CNTN4: variants seen among roughly 807,000 people sequenced by gnomAD.
CNTN4 encodes the protein contactin-4.
A neutral mutation model predicts 122.5 loss-of-function variants in CNTN4; 77 were observed. The observed-to-expected ratio is 0.63, with a 90% CI of 0.52 to 0.76. CNTN4 has a LOEUF of 0.76. Among genes scored for constraint, CNTN4 ranks in the 30% least tolerant of loss-of-function variants. The pLI is 0.00. For missense variants in CNTN4, 1,256 were observed against 1,259.1 expected, an observed-to-expected ratio of 1.00 and a Z score of 0.04; for synonymous variants, 512 against 447.0, an observed-to-expected ratio of 1.15 and a Z score of -1.83.
At chr3:2,668,782 A>G (rs1390435002) in intron 4 of CNTN4, among the ~76,000 whole-genome samples, 1 of 152,126 alleles carries the variant, frequency 6.6e-6, no homozygotes, top group Non-Finnish European at 1.5e-5. Context: ...TACCTAATTT[A>G]TTGAGAGTTT....
At chr3:2,536,433 T>C (rs1223633023) in intron 3 of CNTN4, among the ~76,000 whole-genome samples, 1 of 152,150 alleles carries the variant, frequency 6.6e-6, no homozygotes, top group Non-Finnish European at 1.5e-5. Flanking sequence ...TTCACATTTT[T>C]GGAAGAGCTT....
intron 3 of CNTN4, among the ~76,000 whole-genome samples, chr3:2,411,506 G>T (rs1039832154): frequency 1.2e-4 from 18 of 152,126 alleles, no homozygotes; most frequent in African/African-American, 3.6e-4. Flanking sequence ...ATATTTTGAA[G>T]TTGCAGCCTT....
intron 14 of CNTN4, among the ~76,000 whole-genome samples, chr3:3,018,690 G>T (rs527671814): frequency 6.6e-6 from 1 of 152,308 alleles, no homozygotes; most frequent in South Asian, 2.1e-4. Flanking sequence ...TATTATACAT[G>T]TATACACACA....
chr3:2,619,519 G>C (rs2081914238), intron 4 of CNTN4, among the ~76,000 whole-genome samples: 1 of 152,182 alleles, frequency 6.6e-6, no homozygotes, highest in African/African-American at 2.4e-5. Flanking sequence ...ATCTCTTAGA[G>C]TCTTTCAAAA....
intron 7 of CNTN4, among the ~76,000 whole-genome samples, chr3:2,823,209 A>G (rs1002843231): frequency 6.6e-6 from 1 of 152,220 alleles, no homozygotes; most frequent in Non-Finnish European, 1.5e-5. Flanking sequence ...TAGACCCAGC[A>G]TATGGTCTCC....
At chr3:2,344,126 G>C (rs1348798624) in intron 3 of CNTN4, among the ~76,000 whole-genome samples, 1 of 152,086 alleles carries the variant, frequency 6.6e-6, no homozygotes, top group East Asian at 1.9e-4. Context: ...CTCCCATCTA[G>C]GGGTCAGATT....
chr3:2,747,287 T>C (rs997384172), intron 6 of CNTN4, among the ~76,000 whole-genome samples: 3 of 151,158 alleles, frequency 2.0e-5, no homozygotes, highest in Non-Finnish European at 4.4e-5. Flanking sequence ...CAGGTGCCTG[T>C]AGTCCCAGCT....
intron 4 of CNTN4, among the ~76,000 whole-genome samples, chr3:2,635,910 C>T (rs2082638924): frequency 6.6e-6 from 1 of 152,178 alleles, no homozygotes; most frequent in Non-Finnish European, 1.5e-5. Context: ...CACCAGACCC[C>T]TCACGCATCA....
chr3:2,291,382 T>C (rs1370270897), intron 2 of CNTN4, among the ~76,000 whole-genome samples: 1 of 152,184 alleles, frequency 6.6e-6, no homozygotes, highest in Non-Finnish European at 1.5e-5. Flanking sequence ...CATTTAAAAA[T>C]GACAAATAAA....
chr3:2,272,166 A>C (rs1485369924), intron 2 of CNTN4, among the ~76,000 whole-genome samples: 1 of 104,908 alleles, frequency 9.5e-6, no homozygotes, highest in African/African-American at 2.9e-5. Flanking sequence ...TAAAATTACA[A>C]GTTTTTTTTC....
intron 8 of CNTN4, among the ~76,000 whole-genome samples, chr3:2,869,391 C>A (rs1220611749): frequency 1.3e-5 from 2 of 152,026 alleles, no homozygotes; most frequent in African/African-American, 2.4e-5. Context: ...GGTAAAGCTG[C>A]GAGAACCTGA....
chr3:2,248,077 G>T (rs896365399), intron 2 of CNTN4, among the ~76,000 whole-genome samples: 2 of 151,952 alleles, frequency 1.3e-5, no homozygotes, highest in African/African-American at 4.8e-5. Context: ...GTTGTAAGCC[G>T]TGTGAATGCT....
chr3:2,438,437 G>A (rs1275488439), intron 3 of CNTN4, among the ~76,000 whole-genome samples: 1 of 152,144 alleles, frequency 6.6e-6, no homozygotes, highest in Non-Finnish European at 1.5e-5. Context: ...CAGAAGAATT[G>A]CTTGAACCCG....
chr3:2,411,450 C>T (rs539498863), intron 3 of CNTN4, among the ~76,000 whole-genome samples: 3 of 152,190 alleles, frequency 2.0e-5, no homozygotes, highest in South Asian at 4.1e-4. Context: ...TAAGAGAATC[C>T]TAGTTTACTG....
At chr3:2,700,648 C>A (rs1404296210) in intron 4 of CNTN4, among the ~76,000 whole-genome samples, 1 of 27,424 alleles carries the variant, frequency 3.6e-5, no homozygotes, top group South Asian at 3.2e-3. Flanking sequence ...AATAAATTCC[C>A]CTGGCAAAAA....
At chr3:2,723,649 T>A (rs1328907678) in intron 4 of CNTN4, among the ~76,000 whole-genome samples, 5 of 152,212 alleles carry the variant, frequency 3.3e-5, no homozygotes, top group Non-Finnish European at 7.3e-5. Flanking sequence ...GGAGTCCTCA[T>A]GACCTTATCA....
chr3:2,567,589 T>C (rs779720769), intron 3 of CNTN4, among the ~76,000 whole-genome samples: 1 of 152,172 alleles, frequency 6.6e-6, no homozygotes, highest in Non-Finnish European at 1.5e-5. Context: ...ATCCTTACCA[T>C]AAGTTTGGCA....
At chr3:2,298,530 C>G (rs949194030) in intron 2 of CNTN4, among the ~76,000 whole-genome samples, 1 of 152,098 alleles carries the variant, frequency 6.6e-6, no homozygotes. Flanking sequence ...CGACTCTTGC[C>G]TCTTTCTTAG....
intron 4 of CNTN4, among the ~76,000 whole-genome samples, chr3:2,724,408 A>G (rs1008688332): frequency 2.2e-4 from 33 of 152,176 alleles, no homozygotes; most frequent in Non-Finnish European, 4.4e-4. Flanking sequence ...CTAAGAAACA[A>G]TGTGAAAAAT....
Sources: allele counts gnomAD v4.1 joint callset (sites outside exome capture counted in the v4.1 genomes callset), GRCh38; gene constraint gnomAD v4.1.1; transcripts MANE v1.5; gene names NCBI Gene and HGNC (gene_info 2026-07-23, HGNC 2026-07-21).